Variants in PDSS2 observed in about 807,000 individuals in gnomAD.
PDSS2 encodes decaprenyl diphosphate synthase subunit 2.
Under a neutral mutation model 44.5 loss-of-function variants are expected in PDSS2, and 31 were observed. The observed-to-expected ratio is 0.70, with a 90% CI of 0.52 to 0.94. PDSS2 has a LOEUF of 0.94. Ranked by LOEUF, PDSS2 falls within the 40% of genes least tolerant of loss-of-function variation. The pLI is 0.00. For missense variants in PDSS2, 452 were observed against 482.2 expected (o/e 0.94, Z 0.59); for synonymous variants, 157 against 180.3 (o/e 0.87, Z 1.03).
intron 7 of PDSS2, among the ~76,000 whole-genome samples, chr6:107,189,606 C>T (rs990045549): frequency 4.6e-5 from 7 of 152,040 alleles, no homozygotes; most frequent in African/African-American, 9.7e-5. Flanking sequence ...CAAAGTGCTG[C>T]GATTACAGGT....
At chr6:107,349,089 T>A (rs1778345496) in intron 1 of PDSS2, among the ~76,000 whole-genome samples, 1 of 152,124 alleles carries the variant, frequency 6.6e-6, no homozygotes. Context: ...CATTTAAGAG[T>A]CAGTTCCTAT....
intron 1 of PDSS2, among the ~76,000 whole-genome samples, chr6:107,377,494 T>C (rs922626330): frequency 5.9e-5 from 9 of 152,182 alleles, no homozygotes; most frequent in Non-Finnish European, 8.8e-5. Context: ...CTCAGGGATC[T>C]AGAACTAGAA....
At chr6:107,311,763 A>T (rs1324622580) in intron 2 of PDSS2, among the ~76,000 whole-genome samples, 7 of 152,122 alleles carry the variant, frequency 4.6e-5, no homozygotes, top group Non-Finnish European at 8.8e-5. Context: ...AAATGATTTA[A>T]CATTTCTAAG....
intron 4 of PDSS2, among the ~76,000 whole-genome samples, chr6:107,240,103 G>C (rs1321869294): frequency 6.6e-6 from 1 of 151,938 alleles, no homozygotes; most frequent in Non-Finnish European, 1.5e-5. Context: ...GGGAACTCTT[G>C]ACCATTTAAA....
intron 1 of PDSS2, among the ~76,000 whole-genome samples, chr6:107,334,709 T>TAAAAA (rs55678823): frequency 8.4e-6 from 1 of 119,188 alleles, no homozygotes; most frequent in African/African-American, 3.1e-5. Context: ...CTCAGCTAAT[T>TAAAAA]AAAAAAAAAA....
chr6:107,201,680 C>G (rs1279542610), intron 6 of PDSS2, among the ~76,000 whole-genome samples: 1 of 152,166 alleles, frequency 6.6e-6, no homozygotes, highest in East Asian at 1.9e-4. Context: ...AAGCAGAAAA[C>G]TAATATTCCA....
intron 1 of PDSS2, among the ~76,000 whole-genome samples, chr6:107,400,066 G>C (rs780622197): frequency 2.0e-5 from 3 of 152,038 alleles, no homozygotes; most frequent in Non-Finnish European, 4.4e-5. Context: ...TATGTGAGTG[G>C]GGGGAGTGTC....
intron 1 of PDSS2, among the ~76,000 whole-genome samples, chr6:107,359,007 C>CTT (rs59632305): frequency 0.39 from 36,027 of 92,694 alleles, 8,942 homozygotes; most frequent in Middle Eastern, 0.58. Flanking sequence ...CATTCTCGCT[C>CTT]TTTTTTTTTT....
chr6:107,195,356 C>T (rs1772517907), intron 6 of PDSS2, among the ~76,000 whole-genome samples: 1 of 151,650 alleles, frequency 6.6e-6, no homozygotes, highest in Non-Finnish European at 1.5e-5. Context: ...GTGGTATGCA[C>T]CTGTAGTCCT....
intron 1 of PDSS2, among the ~76,000 whole-genome samples, chr6:107,338,474 G>C (rs1323353428): frequency 6.6e-6 from 1 of 152,202 alleles, no homozygotes; most frequent in African/African-American, 2.4e-5. Context: ...AATATGATGA[G>C]GAGCACTGTT....
At chr6:107,252,475 G>C (rs1447687136) in intron 3 of PDSS2, among the ~76,000 whole-genome samples, 1 of 152,188 alleles carries the variant, frequency 6.6e-6, no homozygotes, top group African/African-American at 2.4e-5. Flanking sequence ...CGAAGAGAGA[G>C]AAATGGCACT....
chr6:107,286,218 A>G (rs1776145618), intron 2 of PDSS2, among the ~76,000 whole-genome samples: 1 of 151,932 alleles, frequency 6.6e-6, no homozygotes, highest in Admixed American at 6.6e-5. Flanking sequence ...ATACTAAAAT[A>G]TACCATAGGC....
At chr6:107,271,339 C>G (rs1775591481) in intron 3 of PDSS2, among the ~76,000 whole-genome samples, 1 of 152,132 alleles carries the variant, frequency 6.6e-6, no homozygotes, top group African/African-American at 2.4e-5. Flanking sequence ...ATTGCAAAAA[C>G]AAAGTATTGC....
chr6:107,336,257 G>GGA (rs1562470437), intron 1 of PDSS2, among the ~76,000 whole-genome samples: 4 of 69,072 alleles, frequency 5.8e-5, no homozygotes. Context: ...TTCCGTCTCA[G>GGA]AAAAAAAAAA....
At chr6:107,379,832 T>C (rs1489322061) in intron 1 of PDSS2, among the ~76,000 whole-genome samples, 1 of 152,128 alleles carries the variant, frequency 6.6e-6, no homozygotes, top group Non-Finnish European at 1.5e-5. Flanking sequence ...AAAATACTTT[T>C]TGTTAATAGG....
intron 1 of PDSS2, among the ~76,000 whole-genome samples, chr6:107,410,530 C>G (rs1465627777): frequency 1.3e-5 from 2 of 152,108 alleles, no homozygotes; most frequent in Admixed American, 6.5e-5. Context: ...ACTCTGTTAC[C>G]CAGGCTGGAG....
intron 1 of PDSS2, among the ~76,000 whole-genome samples, chr6:107,412,233 CTTTTTTTTTTTTT>C (rs1169549611): frequency 1.4e-5 from 1 of 73,406 alleles, no homozygotes; most frequent in Non-Finnish European, 2.5e-5. Flanking sequence ...GTCCTTTGCT[CTTTTTTTTTTTTT>C]TTTTTTTTTT....
intron 2 of PDSS2, among the ~76,000 whole-genome samples, chr6:107,295,009 A>T (rs758722250): frequency 6.6e-6 from 1 of 151,990 alleles, no homozygotes; most frequent in African/African-American, 2.4e-5. Context: ...GGCTCACTGC[A>T]ACCTCTGCCC....
At chr6:107,445,338 T>A (rs540184048) in intron 1 of PDSS2, among the ~76,000 whole-genome samples, 1 of 152,202 alleles carries the variant, frequency 6.6e-6, no homozygotes, top group Admixed American at 6.5e-5. Flanking sequence ...CTATGTCACA[T>A]ACCTGGGCCA....
Sources: allele counts gnomAD v4.1 joint callset (sites outside exome capture counted in the v4.1 genomes callset), GRCh38; gene constraint gnomAD v4.1.1; transcripts MANE v1.5; gene names NCBI Gene and HGNC (gene_info 2026-07-23, HGNC 2026-07-21).